DYNC1H1: variants seen among roughly 807,000 people sequenced by gnomAD.
The protein encoded by DYNC1H1 is dynein cytoplasmic 1 heavy chain 1.
In DYNC1H1, 51 loss-of-function variants were observed where a neutral mutation model predicts 527.1. The ratio of observed to expected loss-of-function variants is 0.10; its 90% CI spans 0.08 to 0.12. The LOEUF (loss-of-function observed/expected upper bound fraction) is 0.12. DYNC1H1 is among the 10% of genes least tolerant of loss of function. The pLI, the probability that DYNC1H1 is intolerant of heterozygous loss-of-function variation, is 1.00. For missense variants in DYNC1H1, 2,771 were observed against 5,971.8 expected, an observed-to-expected ratio of 0.46 and a Z score of 17.66; for synonymous variants, 2,189 against 2,278.8, an observed-to-expected ratio of 0.96 and a Z score of 1.12.
rs775702816 is a variant in DYNC1H1 at position 101,986,381 on chromosome 14, C to T, written c.2156C>T (p.Thr719Ile). 1.2e-6 allele frequency: 2 copies of T among 1,614,080 alleles called. No individual in the cohort carries two copies. The highest frequency in any genetic ancestry group is 1.7e-5 in the Admixed American group (1 of 59,988). Residue 719 changes from threonine to isoleucine, a missense_variant, in exon 8 of 78, where the codon ACC (threonine) becomes ATC (isoleucine). This residue lies in a region of DYNC1H1 where 264 missense variants were observed against 619.4 expected (regional missense o/e 0.43). Transcript: ENST00000360184. The surrounding 1 kb of genome is among the most constrained non-coding windows in gnomAD (Gnocchi z 8.7). ...CTCGGTGTCTCGGGGCGCATTTTCACCATCGAAAGTACTCGGGTTCGGGGC... is the reference window on the plus strand; with the variant it reads ...CTCGGTGTCTCGGGGCGCATTTTCATCATCGAAAGTACTCGGGTTCGGGGC... The part of the protein sequence containing the change: ...RNLGVSGRIF[T>I]IESTRVRGRT...
In DYNC1H1 at chr14:101,995,072, G is replaced by A. The variant is rs144002471; in HGVS notation, c.3420G>A (p.Thr1140=). ...GGCAGATGCTAGGATCAAACATGAC[G>A]GAATTCCATTCCCAGATCTCAAAGG... ...KFGQMLGSNM[T]EFHSQISKSR... The change falls in exon 14 of 78, where the codon ACG becomes ACA. Residue 1140 remains threonine, a synonymous_variant. Transcript: ENST00000360184. 1.2e-5 allele frequency: 19 copies of A among 1,614,030 alleles called. No homozygotes were observed. The highest frequency in any genetic ancestry group is 8.3e-5 in the Admixed American group (5 of 59,994).
chr14:101,978,978 CCA>C (rs1396003489), intron 2 of DYNC1H1, among the ~76,000 whole-genome samples: 1 of 152,132 alleles, frequency 6.6e-6, no homozygotes, highest in Non-Finnish European at 1.5e-5. Flanking sequence ...ATCACCTTAA[CCA>C]GTGAGCAACT....
Position 102,041,242 on chromosome 14 carries a change from A to G in DYNC1H1, c.11942-332A>G, listed in dbSNP as rs957727947. 16 of 400,018 alleles carry G rather than the reference A, an allele frequency of 4.0e-5. No individual in the cohort carries two copies. In the Admixed American group the frequency reaches 6.0e-4, roughly 15 times the overall value. The allele number at this position is 400,018 out of a possible 1,614,324, so 24.8% of individuals were successfully genotyped here. A position where few individuals can be genotyped will look rare whatever the true frequency, so the allele number is the denominator to read the frequency against. ...CCCTGGGCTAGCCAGGCTGAGAGGAAGTGTCAGACTGTGGAGGGCAGAGCG... is the reference window on the plus strand; with the variant it reads ...CCCTGGGCTAGCCAGGCTGAGAGGAGGTGTCAGACTGTGGAGGGCAGAGCG... On this transcript the variant is annotated intron_variant, in intron 64 of 77. Coordinates refer to ENST00000360184, the MANE Select transcript of DYNC1H1 (RefSeq NM_001376.5). This position sits in a 1 kb window ranked among gnomAD's most constrained non-coding sequence, Gnocchi z 4.5.
At chr14:102,024,710 T>C (rs1001513913) in intron 43 of DYNC1H1, among the ~76,000 whole-genome samples, 1 of 133,536 alleles carries the variant, frequency 7.5e-6, no homozygotes, top group Non-Finnish European at 1.6e-5. Flanking sequence ...TTTTTTTTTT[T>C]TGGAGATGGA....
rs1482501433 is a variant in DYNC1H1, at chr14:102,015,030, A to G, written c.7015-75A>G. ...TTAAAGTCACCCTTTCAGTGTATATATAGGTAAAAGAATCTTAATGTCCAG... is the reference window on the plus strand; with the variant it reads ...TTAAAGTCACCCTTTCAGTGTATATGTAGGTAAAAGAATCTTAATGTCCAG... On this transcript the variant is annotated intron_variant, in intron 34 of 77. Coordinates refer to ENST00000360184, the MANE Select transcript of DYNC1H1 (RefSeq NM_001376.5). This position sits in a 1 kb window ranked among gnomAD's most constrained non-coding sequence, Gnocchi z 6.9. 4.5e-6 allele frequency: 7 copies of G among 1,541,908 alleles called. No homozygotes were observed. The East Asian group carries it at 9.0e-5, about 20-fold the overall frequency.
In DYNC1H1 at chr14:102,004,697, C is replaced by T. The variant is rs757092133; in HGVS notation, c.5049+14C>T. 7.4e-6 allele frequency: 12 copies of T among 1,613,926 alleles called. No homozygotes were observed. Among genetic ancestry groups the T allele is most frequent in the Admixed American group, 1.7e-5 (1 of 59,986 alleles). ...GAAGGAGAGGAGGTAAATTTATGTT[C>T]GTAACTTTTAAAACTTCTCTCACAT... On this transcript the variant is annotated intron_variant, in intron 24 of 77. Coordinates refer to ENST00000360184, the MANE Select transcript of DYNC1H1 (RefSeq NM_001376.5).
chr14:102,034,575 G>A, intron 56 of DYNC1H1, 123 bp downstream of exon 56: 1 of 1,495,412 alleles, frequency 6.7e-7, no homozygotes, highest in Non-Finnish European at 9.2e-7. Flanking sequence ...TACAGTGCTG[G>A]CAGCTTGGTG....
chr14:102,016,836 T>A lies in DYNC1H1; in HGVS notation c.7685T>A (p.Val2562Glu). Residue 2562 changes from valine to glutamate, a missense_variant, in exon 38 of 78, where the codon GTG (valine) becomes GAG (glutamate). Around this residue, in one of 32 missense-constraint regions of DYNC1H1, gnomAD observed 71 missense variants for 143.6 expected, o/e 0.49. Coordinates refer to ENST00000360184, the MANE Select transcript of DYNC1H1 (RefSeq NM_001376.5). The surrounding 1 kb of genome is among the most constrained non-coding windows in gnomAD (Gnocchi z 7.3). ...VPQIEVETHK[V>E]AAPDVVVPTL... is the part of the protein sequence containing the mutation. ...CAGATTGAAGTGGAGACGCACAAGGTGGCAGCCCCTGATGTCGTCGTGCCA... is the reference window on the plus strand; with the variant it reads ...CAGATTGAAGTGGAGACGCACAAGGAGGCAGCCCCTGATGTCGTCGTGCCA... 6.2e-7 allele frequency: 1 copy of A among 1,614,026 alleles called. No homozygotes were observed. The highest frequency in any genetic ancestry group is 8.5e-7 in the Non-Finnish European group (1 of 1,180,022).
rs1003920499 is a variant in DYNC1H1 at position 102,052,918 on chromosome 14, C to T, written c.*2355C>T. 1.3e-5 allele frequency: 2 copies of T among 152,162 alleles called. No individual in the cohort carries two copies. Among genetic ancestry groups the T allele is most frequent in the Non-Finnish European group, 2.9e-5 (2 of 68,034 alleles). The allele number at this position is 152,162 out of a possible 1,614,324, so 9.4% of individuals were successfully genotyped here. On this transcript the variant is annotated 3_prime_UTR_variant, in exon 78 of 78. Transcript: ENST00000360184. ...GTGTGTAGGAAGCCACCTTACAGCT[C>T]ATGTCACCCAGAGAACAGTCGTTGC...
intron 10 of DYNC1H1, among the ~76,000 whole-genome samples, chr14:101,990,024 C>T (rs964084126): frequency 6.6e-6 from 1 of 152,194 alleles, no homozygotes; most frequent in East Asian, 1.9e-4. Context: ...TGGGAGCAAT[C>T]GGCCATGCCA....
rs1387562402 is a variant in DYNC1H1, at chr14:102,011,634, G to A, written c.6619-241G>A. 1 of 533,208 alleles carries A rather than the reference G, an allele frequency of 1.9e-6. No individual in the cohort carries two copies. The highest frequency in any genetic ancestry group is 3.4e-6 in the Non-Finnish European group (1 of 295,870). The allele number at this position is 533,208 out of a possible 1,614,324, so 33.0% of individuals were successfully genotyped here. ...TAATCCATAGATAGGCGCTTGTAAA[G>A]CCAGCTACTTGGGAGAGTGAGGAAG... On this transcript the variant is annotated intron_variant, in intron 32 of 77. Transcript: ENST00000360184. The surrounding 1 kb of genome is among the most constrained non-coding windows in gnomAD (Gnocchi z 5.3).
rs550929990 is a variant in DYNC1H1 at position 102,014,562 on chromosome 14, G to A, written c.7015-543G>A. On this transcript the variant is annotated intron_variant, in intron 34 of 77. Coordinates refer to ENST00000360184, the MANE Select transcript of DYNC1H1 (RefSeq NM_001376.5). The stretch of plus-strand genomic sequence containing the variant: ...AAAAAAAAACACCAGAGACGACAGC[G>A]TGCCTGCCTGGTCAGGTTATGTGAG... Among the ~76,000 whole-genome samples, 12 of 151,572 alleles carry A rather than the reference G, an allele frequency of 7.9e-5. 1 individual carries two copies. The highest frequency in any genetic ancestry group is 2.1e-4 in the South Asian group (1 of 4,768).
intron 2 of DYNC1H1, among the ~76,000 whole-genome samples, chr14:101,976,617 A>G (rs893796664): frequency 1.3e-5 from 2 of 152,020 alleles, no homozygotes; most frequent in Non-Finnish European, 2.9e-5. Flanking sequence ...CTTTGATTTC[A>G]TGTCTTCAAA....
chr14:102,007,690 A>C (rs1321293839), intron 28 of DYNC1H1, among the ~76,000 whole-genome samples: 1 of 152,190 alleles, frequency 6.6e-6, no homozygotes, highest in East Asian at 1.9e-4. Context: ...GCCCAAGGCC[A>C]AGCAGATTGT....
chr14:102,017,172 C>A lies in DYNC1H1; in HGVS notation c.7933C>A (p.Pro2645Thr). Reference sequence around the variant, plus strand: ...TCACTACTGCGAGTACAGGCGCACACCTAATGGGGTGGTTTTGGCTCCTGT... The same window carrying A: ...TCACTACTGCGAGTACAGGCGCACAACTAATGGGGTGGTTTTGGCTCCTGT... ...FDHYCEYRRTPNGVVLAPVQL... is the reference protein window; with the variant it reads ...FDHYCEYRRTTNGVVLAPVQL... The change falls in exon 39 of 78, where the codon CCT becomes ACT. Residue 2645 changes from proline (P) to threonine (T), a missense_variant. This residue lies in a region of DYNC1H1 where 163 missense variants were observed against 346.9 expected (regional missense o/e 0.47). Coordinates refer to ENST00000360184, the MANE Select transcript of DYNC1H1 (RefSeq NM_001376.5). The surrounding 1 kb of genome is among the most constrained non-coding windows in gnomAD (Gnocchi z 4.6). 1 of 1,614,226 alleles carries A rather than the reference C, an allele frequency of 6.2e-7. No homozygotes were observed. The highest frequency in any genetic ancestry group is 2.2e-5 in the East Asian group (1 of 44,884).
intron 1 of DYNC1H1, among the ~76,000 whole-genome samples, chr14:101,971,330 C>G (rs192269710): frequency 1.3e-5 from 2 of 151,784 alleles, no homozygotes; most frequent in African/African-American, 4.8e-5. Context: ...CACCTTGGCC[C>G]CTCAAAGTAC....
In DYNC1H1 at chr14:102,012,280, A is replaced by AC. The variant is rs367983460; in HGVS notation, c.6858-34_6858-33insC. On this transcript the variant is annotated intron_variant, in intron 33 of 77. Coordinates refer to ENST00000360184, the MANE Select transcript of DYNC1H1 (RefSeq NM_001376.5). The surrounding 1 kb of genome is among the most constrained non-coding windows in gnomAD (Gnocchi z 4.9). ...ATGCCTAATGTTAAAATCTTGATTT[A>AC]ATCAGCAGCTATTTTAAAATCCTTC... 1 of 1,614,210 alleles carries AC rather than the reference A, an allele frequency of 6.2e-7. No individual in the cohort carries two copies. Among genetic ancestry groups the AC allele is most frequent in the Non-Finnish European group, 8.5e-7 (1 of 1,180,034 alleles).
rs1186009471 is a variant in DYNC1H1 at position 102,027,500 on chromosome 14, T to G, written c.9004T>G (p.Ser3002Ala). ...FIMDESNVLD[S>A]GFLERMNTLL... The stretch of plus-strand genomic sequence containing the variant: ...AATGGATGAATCTAATGTGTTAGAT[T>G]CTGGATTCCTGGAGCGAATGAATAC... Residue 3002 changes from serine to alanine, a missense_variant, in exon 46 of 78, where the codon TCT becomes GCT. Transcript: ENST00000360184. The surrounding 1 kb of genome is among the most constrained non-coding windows in gnomAD (Gnocchi z 7.7). 6.2e-7 allele frequency: 1 copy of G among 1,614,176 alleles called. No individual in the cohort carries two copies. The highest frequency in any genetic ancestry group is 1.1e-5 in the South Asian group (1 of 91,072).
rs546444883 is a variant in DYNC1H1, at chr14:102,041,132, C to T, written c.11942-442C>T. On this transcript the variant is annotated intron_variant, in intron 64 of 77. Coordinates refer to ENST00000360184, the MANE Select transcript of DYNC1H1 (RefSeq NM_001376.5). The surrounding 1 kb of genome is among the most constrained non-coding windows in gnomAD (Gnocchi z 4.5). ...AGAGAACTAGATGGGGAACTCCTGC[C>T]TAATGCTAAGGAGTTAACTGGCTGT... 2.9e-6 allele frequency: 1 copy of T among 346,118 alleles called. No individual in the cohort carries two copies. Among genetic ancestry groups the T allele is most frequent in the Admixed American group, 4.2e-5 (1 of 23,590 alleles). The allele number at this position is 346,118 out of a possible 1,614,324, so 21.4% of individuals were successfully genotyped here. A position where few individuals can be genotyped will look rare whatever the true frequency, so the allele number is the denominator to read the frequency against.
Sources: allele counts gnomAD v4.1 joint callset (sites outside exome capture counted in the v4.1 genomes callset), GRCh38; gene constraint gnomAD v4.1.1; regional missense constraint gnomAD v4.1.1; non-coding constraint Gnocchi (gnomAD v3.1); transcripts MANE v1.5; gene names NCBI Gene and HGNC (gene_info 2026-07-23, HGNC 2026-07-21).